The following PDE4B variants were observed in gnomAD, a reference collection of about 807,000 sequenced individuals.
The protein encoded by PDE4B is phosphodiesterase 4B.
PDE4B carries 20 observed loss-of-function variants against 82.2 expected under a neutral mutation model. The observed-to-expected ratio is 0.24, with a 90% CI of 0.17 to 0.35. PDE4B has a LOEUF of 0.35. Among genes scored for constraint, PDE4B ranks in the 10% least tolerant of loss-of-function variants. The probability of loss-of-function intolerance (pLI) is 1.00; values close to 1 mark genes in which losing one functional copy is unlikely to be tolerated. For missense variants in PDE4B, 655 were observed against 907.2 expected, an observed-to-expected ratio of 0.72 and a Z score of 3.57; for synonymous variants, 320 against 318.9, an observed-to-expected ratio of 1.00 and a Z score of -0.04.
At chr1:66,321,024 A>G (rs1350943741) in intron 7 of PDE4B, among the ~76,000 whole-genome samples, 2 of 152,196 alleles carry the variant, frequency 1.3e-5, no homozygotes, top group Non-Finnish European at 2.9e-5. Flanking sequence ...TGAGGAAAGG[A>G]GCCATTTAAA....
intron 1 of PDE4B, among the ~76,000 whole-genome samples, chr1:65,866,294 A>C (rs1646509462): frequency 6.6e-6 from 1 of 152,182 alleles, no homozygotes; most frequent in African/African-American, 2.4e-5. Context: ...TTAAGCCAAC[A>C]CCAAAAACCC....
At chr1:66,370,729 A>C (rs1184997175) in intron 16 of PDE4B, among the ~76,000 whole-genome samples, 3 of 152,152 alleles carry the variant, frequency 2.0e-5, no homozygotes, top group African/African-American at 7.2e-5. Flanking sequence ...GCAGAAGCAA[A>C]ACAAGCGAAG....
chr1:65,988,862 T>C lies in PDE4B; in HGVS notation c.281+70027T>C, dbSNP rs901227287. ...TTACTCGTAGAAAATTTATTCCAGG[T>C]CAACTTTTAAAGTTTGAAGGATATT... On this transcript the variant is annotated intron_variant, in intron 3 of 16. Transcript: ENST00000341517. 3.9e-5 allele frequency among the ~76,000 whole-genome samples: 6 copies of C among 152,236 alleles called. No individual in the cohort carries two copies. The East Asian group carries it at 5.8e-4, about 15-fold the overall frequency.
chr1:66,259,170 A>G (rs1258446849), intron 6 of PDE4B, among the ~76,000 whole-genome samples: 1 of 152,152 alleles, frequency 6.6e-6, no homozygotes, highest in Non-Finnish European at 1.5e-5. Flanking sequence ...TTATCTATTT[A>G]TCCATCCAAC....
At chr1:65,864,325 G>A (rs1439367475) in intron 1 of PDE4B, among the ~76,000 whole-genome samples, 1 of 151,840 alleles carries the variant, frequency 6.6e-6, no homozygotes, top group Non-Finnish European at 1.5e-5. Flanking sequence ...TAGCTCAGAG[G>A]AGTTTGTTAT....
At chr1:65,869,769 C>A (rs936537837) in intron 1 of PDE4B, among the ~76,000 whole-genome samples, 23 of 148,578 alleles carry the variant, frequency 1.5e-4, no homozygotes, top group Non-Finnish European at 3.0e-4. Context: ...CTCGAAAAAG[C>A]TGCACTTATT....
intron 3 of PDE4B, among the ~76,000 whole-genome samples, chr1:65,937,615 A>C (rs950185182): frequency 6.6e-6 from 1 of 152,216 alleles, no homozygotes; most frequent in African/African-American, 2.4e-5. Context: ...TTTTGGCTAC[A>C]GAAACTGAAT....
At chr1:66,230,037 G>A (rs1220142731) in intron 3 of PDE4B, among the ~76,000 whole-genome samples, 1 of 152,136 alleles carries the variant, frequency 6.6e-6, no homozygotes, top group Non-Finnish European at 1.5e-5. Flanking sequence ...GACTCCTGGA[G>A]TCACTCTGAG....
chr1:66,271,265 C>A (rs544438540), intron 7 of PDE4B, among the ~76,000 whole-genome samples: 1 of 152,310 alleles, frequency 6.6e-6, no homozygotes, highest in African/African-American at 2.4e-5. Flanking sequence ...ATAAATATTT[C>A]TTCTCTTTGA....
At chr1:66,210,029 A>G (rs1649897705) in intron 3 of PDE4B, among the ~76,000 whole-genome samples, 1 of 152,156 alleles carries the variant, frequency 6.6e-6, no homozygotes, top group Admixed American at 6.5e-5. Flanking sequence ...GTCCAAAAGA[A>G]TTTCTTGAAC....
chr1:66,324,932 T>G (rs1228346279), intron 7 of PDE4B, among the ~76,000 whole-genome samples: 1 of 152,152 alleles, frequency 6.6e-6, no homozygotes, highest in Non-Finnish European at 1.5e-5. Context: ...ATATTATATA[T>G]TTGGACATAA....
intron 1 of PDE4B, among the ~76,000 whole-genome samples, chr1:65,793,997 A>G (rs1272029110): frequency 1.1e-4 from 17 of 152,176 alleles, no homozygotes; most frequent in Admixed American, 1.1e-3. Flanking sequence ...TAAAGCGTGT[A>G]TAAGGAGGAG....
Position 66,374,492 on chromosome 1 carries a change from G to A in PDE4B, c.*1814G>A, listed in dbSNP as rs1014915633. 1 of 152,596 alleles carries A rather than the reference G, an allele frequency of 6.6e-6. No individual in the cohort carries two copies. Among genetic ancestry groups the A allele is most frequent in the Admixed American group, 6.5e-5 (1 of 15,282 alleles). 9.5% of individuals were successfully genotyped at this position (152,596 alleles called of 1,614,324 possible). ...TTTTCAAATGTTTCTCACAATGTAT[G>A]TTATAGTATTATTATTATATATTGT... On this transcript the variant is annotated 3_prime_UTR_variant, in exon 17 of 17. Coordinates refer to ENST00000341517, the MANE Select transcript of PDE4B (RefSeq NM_002600.4).
chr1:66,174,168 G>A (rs1275070466), intron 3 of PDE4B, among the ~76,000 whole-genome samples: 1 of 152,094 alleles, frequency 6.6e-6, no homozygotes, highest in Non-Finnish European at 1.5e-5. Flanking sequence ...AAAATAAAAT[G>A]GAACTCTACA....
chr1:65,819,983 CA>C (rs541374864), intron 1 of PDE4B, among the ~76,000 whole-genome samples: 55 of 152,228 alleles, frequency 3.6e-4, no homozygotes, highest in African/African-American at 1.0e-3. Flanking sequence ...ATTGATTAGA[CA>C]AAAAGACTAC....
intron 1 of PDE4B, among the ~76,000 whole-genome samples, chr1:65,823,194 G>A (rs1299353687): frequency 4.0e-5 from 6 of 151,730 alleles, no homozygotes; most frequent in East Asian, 1.9e-4. Flanking sequence ...TCAGGAGTTC[G>A]AGACCAGCCT....
intron 7 of PDE4B, among the ~76,000 whole-genome samples, chr1:66,271,336 C>T (rs1017981633): frequency 6.6e-6 from 1 of 152,198 alleles, no homozygotes; most frequent in Admixed American, 6.5e-5. Context: ...GAGTCCGTTC[C>T]GTGTTGACTC....
intron 3 of PDE4B, among the ~76,000 whole-genome samples, chr1:66,127,600 C>A (rs1436668230): frequency 6.6e-6 from 1 of 152,152 alleles, no homozygotes; most frequent in East Asian, 1.9e-4. Context: ...TGCCCCACCT[C>A]TGTTTACATT....
At chr1:66,031,757 A>G (rs11581168) in intron 3 of PDE4B, among the ~76,000 whole-genome samples, 33,230 of 152,116 alleles carry the variant, frequency 0.22, 4,144 homozygotes, top group Middle Eastern at 0.36. Context: ...TTGAAAATCT[A>G]GATCAGTGGT....
Sources: gnomAD v4.1 joint callset for allele counts (sites outside exome capture counted in the v4.1 genomes callset) on GRCh38, gnomAD v4.1.1 for gene constraint, MANE v1.5 for transcripts, NCBI Gene and HGNC (gene_info 2026-07-23, HGNC 2026-07-21) for gene names.